Variants in STAT5B observed in about 807,000 individuals in gnomAD.
STAT5B encodes signal transducer and activator of transcription 5B.
Under a neutral mutation model 107.8 loss-of-function variants are expected in STAT5B, and 21 were observed. That is an observed-to-expected ratio of 0.19 (90% CI 0.14 to 0.28). The LOEUF (loss-of-function observed/expected upper bound fraction) is 0.28. Ranked by LOEUF, STAT5B falls within the 10% of genes least tolerant of loss-of-function variation. The pLI is 1.00. For synonymous variants in STAT5B, 325 were observed against 401.7 expected (o/e 0.81, Z 2.28); for missense variants, 565 against 1,008.2 (o/e 0.56, Z 5.95).
chr17:42,218,959 C>G (rs1244158723), intron 7 of STAT5B, 81 bp from the exon 8 acceptor site: 1 of 1,610,554 alleles, frequency 6.2e-7, no homozygotes, highest in African/African-American at 1.3e-5. Flanking sequence ...GCTCCCGTTC[C>G]CCCAGGAAGG....
At chr17:42,248,824 C>T (rs2080474625) in intron 1 of STAT5B, among the ~76,000 whole-genome samples, 1 of 152,220 alleles carries the variant, frequency 6.6e-6, no homozygotes, top group African/African-American at 2.4e-5. Context: ...CAGAAAGCAG[C>T]GAATTCTTGC....
At chr17:42,206,568 T>G (rs2080086749) in intron 16 of STAT5B, among the ~76,000 whole-genome samples, 1 of 152,194 alleles carries the variant, frequency 6.6e-6, no homozygotes, top group Admixed American at 6.5e-5. Flanking sequence ...TATCTGTTTT[T>G]TTGTTTTCTT....
upstream of STAT5B, among the ~76,000 whole-genome samples, chr17:42,277,719 T>A (rs2045911486): frequency 6.6e-6 from 1 of 152,070 alleles, no homozygotes; most frequent in South Asian, 2.1e-4. Context: ...AGGTGCTCCA[T>A]GTTCTCCATA....
chr17:42,265,682 T>C (rs2080664737), intron 1 of STAT5B, among the ~76,000 whole-genome samples: 2 of 152,060 alleles, frequency 1.3e-5, no homozygotes, highest in Admixed American at 1.3e-4. Flanking sequence ...TCTCAATACA[T>C]GTATCAAACT....
intron 11 of STAT5B, among the ~76,000 whole-genome samples, chr17:42,216,321 G>A (rs1312596681): frequency 6.6e-6 from 1 of 152,164 alleles, no homozygotes; most frequent in East Asian, 1.9e-4. Context: ...ATGTTGCTTA[G>A]ATATTTCTGA....
intron 1 of STAT5B, among the ~76,000 whole-genome samples, chr17:42,247,209 A>G (rs2080459279): frequency 6.6e-6 from 1 of 152,094 alleles, no homozygotes; most frequent in Admixed American, 6.6e-5. Context: ...ACAAACCTTC[A>G]CCCAACCATC....
At chr17:42,282,178 G>A in the STAT5B span, among the ~76,000 whole-genome samples, 1 of 152,162 alleles carries the variant, frequency 6.6e-6, no homozygotes, top group Non-Finnish European at 1.5e-5. Flanking sequence ...CTCTATTGTG[G>A]ACAAGCAGTG....
At chr17:42,227,823 C>T (rs912148601) in intron 2 of STAT5B, 138 bp from the exon 3 acceptor site, 2 of 810,270 alleles carry the variant, frequency 2.5e-6, no homozygotes, top group African/African-American at 3.4e-5. Context: ...AACAGCCCAA[C>T]AGAAATGGAC....
intron 1 of STAT5B, among the ~76,000 whole-genome samples, chr17:42,255,497 A>T (rs2080535086): frequency 1.3e-5 from 2 of 152,226 alleles, no homozygotes; most frequent in South Asian, 4.1e-4. Context: ...AAAGGAAAGA[A>T]AAACTGTGAA....
At chr17:42,274,300 A>C (rs999389601) in intron 1 of STAT5B, among the ~76,000 whole-genome samples, 63 of 151,498 alleles carry the variant, frequency 4.2e-4, no homozygotes, top group African/African-American at 1.4e-3. Context: ...AAAAAAAAAA[A>C]AAAAAAACCT....
the STAT5B span, among the ~76,000 whole-genome samples, chr17:42,286,512 G>A: frequency 6.6e-6 from 1 of 152,220 alleles, no homozygotes; most frequent in South Asian, 2.1e-4. Flanking sequence ...CAAGACAGAT[G>A]TTTGGTGGGT....
At chr17:42,278,675 A>T (rs1201190326), upstream of STAT5B, among the ~76,000 whole-genome samples, 1 of 152,028 alleles carries the variant, frequency 6.6e-6, no homozygotes, top group African/African-American at 2.4e-5. Context: ...CTACTCCCAG[A>T]TTAATTTTTT....
chr17:42,278,979 CA>C (rs1049288377), upstream of STAT5B, among the ~76,000 whole-genome samples: 184 of 134,724 alleles, frequency 1.4e-3, no homozygotes, highest in Admixed American at 1.0e-3. Context: ...GACTCCATCT[CA>C]AAAAAAAAAA....
chr17:42,284,473 G>T, the STAT5B span, among the ~76,000 whole-genome samples: 1 of 152,054 alleles, frequency 6.6e-6, no homozygotes, highest in Admixed American at 6.5e-5. Flanking sequence ...CACCATATTG[G>T]CCAGGCTGAT....
chr17:42,262,187 G>T (rs1397461123), intron 1 of STAT5B, among the ~76,000 whole-genome samples: 1 of 151,762 alleles, frequency 6.6e-6, no homozygotes, highest in Non-Finnish European at 1.5e-5. Flanking sequence ...CTGAGACAGG[G>T]TCTTTCTCTG....
Position 42,201,660 on chromosome 17 carries a change from G to A in STAT5B, c.*78C>T, listed in dbSNP as rs562669599. On this transcript the variant is annotated 3_prime_UTR_variant, in exon 19 of 19. Coordinates refer to ENST00000293328, the MANE Select transcript of STAT5B (RefSeq NM_012448.4). ...ATGAGTATTGTTTCAAAAGAGAAGC[G>A]ATTCATGGAATTAAAACATCCACAA... The A allele has an allele frequency of 7.9e-5, 77 of 973,604 alleles. No homozygotes were observed. The highest frequency in any genetic ancestry group is 4.8e-4 in the East Asian group (20 of 41,922). 60.3% of individuals were successfully genotyped at this position (973,604 alleles called of 1,614,324 possible).
intron 1 of STAT5B, 99 bp from the exon 2 acceptor site, chr17:42,232,236 T>A: frequency 8.1e-7 from 1 of 1,228,004 alleles, no homozygotes; most frequent in Non-Finnish European, 1.1e-6. Flanking sequence ...TAAATGTTTT[T>A]ATTTTATTAT....
At chr17:42,219,955 T>C in intron 5 of STAT5B, 113 bp from the exon 6 acceptor site, 2 of 1,536,814 alleles carry the variant, frequency 1.3e-6, no homozygotes, top group Admixed American at 3.9e-5. Flanking sequence ...AGATACTGCA[T>C]TAAGGGCAAG....
intron 1 of STAT5B, among the ~76,000 whole-genome samples, chr17:42,258,704 T>C (rs1300418042): frequency 6.6e-6 from 1 of 152,020 alleles, no homozygotes; most frequent in Non-Finnish European, 1.5e-5. Context: ...ACAAAACCAT[T>C]AAGATAAACT....
Sources: gnomAD v4.1 joint callset for allele counts (sites outside exome capture counted in the v4.1 genomes callset) on GRCh38, gnomAD v4.1.1 for gene constraint, MANE v1.5 for transcripts, NCBI Gene and HGNC (gene_info 2026-07-23, HGNC 2026-07-21) for gene names.